CNTN3: variants seen among roughly 807,000 people sequenced by gnomAD.
CNTN3 encodes the protein contactin 3, also known as contactin-3.
A neutral mutation model predicts 119.1 loss-of-function variants in CNTN3; 60 were observed. That is an observed-to-expected ratio of 0.50 (90% CI 0.41 to 0.62). The LOEUF (loss-of-function observed/expected upper bound fraction) is 0.62. Ranked by LOEUF, CNTN3 falls within the 20% of genes least tolerant of loss-of-function variation. The pLI is 0.00. For synonymous variants in CNTN3, 450 were observed against 438.7 expected (o/e 1.03, Z -0.32); for missense variants, 1,101 against 1,242.4 (o/e 0.89, Z 1.71).
At chr3:74,604,479 C>T (rs900245922) in intron 1 of CNTN3, among the ~76,000 whole-genome samples, 7 of 151,914 alleles carry the variant, frequency 4.6e-5, no homozygotes, top group Admixed American at 2.6e-4. Flanking sequence ...AAACAAATAA[C>T]CTAATTTTAA....
chr3:74,437,543 C>T (rs1167398146), intron 4 of CNTN3, among the ~76,000 whole-genome samples: 1 of 152,094 alleles, frequency 6.6e-6, no homozygotes, highest in Non-Finnish European at 1.5e-5. Flanking sequence ...AGGAAAAACA[C>T]ATAACAACAA....
At chr3:74,340,225 C>T (rs6773909) in intron 11 of CNTN3, among the ~76,000 whole-genome samples, 2 of 151,910 alleles carry the variant, frequency 1.3e-5, no homozygotes, top group Admixed American at 6.6e-5. Flanking sequence ...TGGTGGATAT[C>T]AAGGAAATAC....
Position 74,614,546 on chromosome 3 carries a change from C to T in CNTN3, c.-236G>A, listed in dbSNP as rs1019855731. Among the ~76,000 whole-genome samples, 1 of 148,064 alleles carries T rather than the reference C, an allele frequency of 6.8e-6. No homozygotes were observed. Among genetic ancestry groups the T allele is most frequent in the South Asian group, 2.1e-4 (1 of 4,808 alleles). ...GCCGCCGCCGCCGCAGGCGCAGCAC[C>T]CTCGTCCGCACGGTTCCCGGCCCAG... On this transcript the variant is annotated 5_prime_UTR_variant, in exon 1 of 23. Transcript: ENST00000263665.
chr3:74,392,291 G>A (rs1704930776), intron 5 of CNTN3, among the ~76,000 whole-genome samples: 1 of 152,120 alleles, frequency 6.6e-6, no homozygotes, highest in South Asian at 2.1e-4. Flanking sequence ...ACAAGACAAT[G>A]GCTATATTTG....
chr3:74,533,828 C>G (rs188236649), intron 1 of CNTN3, among the ~76,000 whole-genome samples: 2 of 152,110 alleles, frequency 1.3e-5, no homozygotes, highest in East Asian at 3.9e-4. Flanking sequence ...GGGCTCCCAG[C>G]AGACACTCAA....
chr3:74,466,158 A>G (rs1486478126), intron 4 of CNTN3, among the ~76,000 whole-genome samples: 1 of 152,178 alleles, frequency 6.6e-6, no homozygotes, highest in Admixed American at 6.5e-5. Context: ...AAACATGGAG[A>G]AAATACGTGA....
At chr3:74,301,871 A>T in intron 14 of CNTN3, 66 bp from the exon 15 acceptor site, 1 of 1,542,814 alleles carries the variant, frequency 6.5e-7, no homozygotes, top group South Asian at 1.2e-5. Flanking sequence ...CCTATCAAAG[A>T]GAAGAGAATG....
chr3:74,558,205 C>CA (rs1360706891), intron 1 of CNTN3, among the ~76,000 whole-genome samples: 1 of 152,174 alleles, frequency 6.6e-6, no homozygotes, highest in Non-Finnish European at 1.5e-5. Context: ...CAGAACCCCC[C>CA]ATAGGATGGG....
chr3:74,440,265 G>C (rs906794921), intron 4 of CNTN3, among the ~76,000 whole-genome samples: 2 of 152,034 alleles, frequency 1.3e-5, no homozygotes, highest in African/African-American at 4.8e-5. Flanking sequence ...ACACTGCTTC[G>C]CACATATTAT....
intron 5 of CNTN3, among the ~76,000 whole-genome samples, chr3:74,381,191 C>CCCTTATCTTAAGATAAGATT (rs1559573274): frequency 6.6e-6 from 1 of 151,132 alleles, no homozygotes. Flanking sequence ...TTAAAAAAAA[C>CCCTTATCTTAAGATAAGATT]CCTTATCTTA....
chr3:74,549,192 G>A (rs1255452526), intron 1 of CNTN3, among the ~76,000 whole-genome samples: 1 of 152,080 alleles, frequency 6.6e-6, no homozygotes, highest in Non-Finnish European at 1.5e-5. Context: ...TCGTAATAGA[G>A]TTCTCACAAG....
chr3:74,433,015 T>C (rs1701809995), intron 4 of CNTN3, among the ~76,000 whole-genome samples: 2 of 152,110 alleles, frequency 1.3e-5, no homozygotes, highest in Non-Finnish European at 2.9e-5. Flanking sequence ...ACATAGTTTA[T>C]GGGGGGTGAT....
Position 74,369,337 on chromosome 3 carries a change from C to G in CNTN3, c.798G>C (p.Gly266=). Reference sequence around the variant, plus strand: ...ATTTAATTTTGCTGGAAAATGGCAGCCCATCACTTCTTCTCCAATTAATCT... The same window carrying G: ...ATTTAATTTTGCTGGAAAATGGCAGGCCATCACTTCTTCTCCAATTAATCT... The part of the protein sequence containing the change: ...IPQINWRRSD[G]LPFSSKIKLR... The change falls in exon 8 of 23, where the codon GGG becomes GGC. Residue 266 remains glycine (G), a synonymous_variant. Transcript: ENST00000263665. 2.5e-6 allele frequency: 4 copies of G among 1,605,960 alleles called. No homozygotes were observed. Among genetic ancestry groups the G allele is most frequent in the Non-Finnish European group, 3.4e-6 (4 of 1,176,300 alleles).
At chr3:74,391,667 A>C (rs1241047132) in intron 5 of CNTN3, among the ~76,000 whole-genome samples, 1 of 148,464 alleles carries the variant, frequency 6.7e-6, no homozygotes, top group African/African-American at 2.5e-5. Context: ...CCGGGGTTCA[A>C]GTGATTCTCC....
At chr3:74,326,123 C>T (rs1703124488) in intron 13 of CNTN3, among the ~76,000 whole-genome samples, 3 of 152,108 alleles carry the variant, frequency 2.0e-5, no homozygotes, top group Non-Finnish European at 4.4e-5. Context: ...ATGTTTCTTT[C>T]CCCCTCTCTG....
At chr3:74,553,903 C>A (rs1409398313) in intron 1 of CNTN3, among the ~76,000 whole-genome samples, 1 of 152,188 alleles carries the variant, frequency 6.6e-6, no homozygotes, top group African/African-American at 2.4e-5. Flanking sequence ...TTTTGCTGTG[C>A]AGAAGCTCTT....
chr3:74,393,197 G>A (rs775608154), intron 5 of CNTN3, among the ~76,000 whole-genome samples: 3 of 152,112 alleles, frequency 2.0e-5, no homozygotes, highest in Non-Finnish European at 2.9e-5. Context: ...CTTCAAACAT[G>A]AATCCATCCT....
chr3:74,293,127 G>A (rs898562808), intron 19 of CNTN3, among the ~76,000 whole-genome samples: 13 of 152,148 alleles, frequency 8.5e-5, no homozygotes, highest in African/African-American at 2.9e-4. Context: ...CTTACAGATA[G>A]TTACTAAAAA....
intron 5 of CNTN3, among the ~76,000 whole-genome samples, chr3:74,398,593 G>C (rs1324475302): frequency 6.6e-6 from 1 of 151,900 alleles, no homozygotes; most frequent in Non-Finnish European, 1.5e-5. Context: ...CAATATATCT[G>C]AGATATGTCT....
Sources: allele counts gnomAD v4.1 joint callset (sites outside exome capture counted in the v4.1 genomes callset), GRCh38; gene constraint gnomAD v4.1.1; transcripts MANE v1.5; gene names NCBI Gene and HGNC (gene_info 2026-07-23, HGNC 2026-07-21).